Variants in ZDHHC3 observed in about 807,000 individuals in gnomAD.
The protein encoded by ZDHHC3 is palmitoyltransferase ZDHHC3.
ZDHHC3 carries 9 observed loss-of-function variants against 30.6 expected under a neutral mutation model. The ratio of observed to expected loss-of-function variants is 0.29; its 90% CI spans 0.18 to 0.51. The LOEUF (loss-of-function observed/expected upper bound fraction) is 0.51, where lower values mean the gene tolerates loss of function less well. ZDHHC3 is among the 20% of genes least tolerant of loss of function. The pLI is 0.97. For missense variants in ZDHHC3, 246 were observed against 384.2 expected (o/e 0.64, Z 3.01); for synonymous variants, 136 against 140.2 (o/e 0.97, Z 0.21).
chr3:44,934,278 G>T (rs1254856983), intron 3 of ZDHHC3, among the ~76,000 whole-genome samples: 4 of 152,140 alleles, frequency 2.6e-5, no homozygotes, highest in Non-Finnish European at 5.9e-5. Context: ...CTCTCCTGAA[G>T]TAATGGGGCT....
chr3:44,934,985 T>C (rs927773731), intron 3 of ZDHHC3, among the ~76,000 whole-genome samples: 7 of 151,808 alleles, frequency 4.6e-5, no homozygotes, highest in Admixed American at 4.6e-4. Context: ...ATTGGGATAA[T>C]TTTTGGGCTG....
Position 44,921,414 on chromosome 3 carries a change from T to C in ZDHHC3, c.*5275A>G. On this transcript the variant is annotated 3_prime_UTR_variant, in exon 7 of 7. Transcript: ENST00000424952. ...TCATCAGAGATTTCATACCTCTATA[T>C]TGTAACCCACAAGAGGAAACATTTT... The C allele has an allele frequency of 1.0e-6, 1 of 985,444 alleles. No individual in the cohort carries two copies. Among genetic ancestry groups the C allele is most frequent in the Non-Finnish European group, 1.2e-6 (1 of 829,934 alleles). 61.0% of individuals were successfully genotyped at this position (985,444 alleles called of 1,614,324 possible).
Position 44,920,032 on chromosome 3 carries a change from A to C in ZDHHC3, c.*6657T>G. ...TACATGACATTAGAACATTTGTCTG[A>C]GTGGTTACTTTTGGGGATGGAATTC... On this transcript the variant is annotated 3_prime_UTR_variant, in exon 7 of 7. Coordinates refer to ENST00000424952, the MANE Select transcript of ZDHHC3 (RefSeq NM_001135179.2). 8.5e-7 allele frequency: 1 copy of C among 1,176,954 alleles called. No individual in the cohort carries two copies. Among genetic ancestry groups the C allele is most frequent in the Non-Finnish European group, 1.1e-6 (1 of 933,528 alleles). 72.9% of individuals were successfully genotyped at this position (1,176,954 alleles called of 1,614,324 possible).
At chr3:44,927,971 C>G (rs939252127) in intron 6 of ZDHHC3, among the ~76,000 whole-genome samples, 1 of 152,214 alleles carries the variant, frequency 6.6e-6, no homozygotes, top group Admixed American at 6.5e-5. Flanking sequence ...CAACACAATT[C>G]TCTTTAGGAA....
rs564243683 is a variant in ZDHHC3, at chr3:44,925,285, C to T, written c.*1404G>A. 57 of 985,874 alleles carry T rather than the reference C, an allele frequency of 5.8e-5. No homozygotes were observed. The African/African-American group carries it at 7.7e-4, about 13-fold the overall frequency. 61.1% of individuals were successfully genotyped at this position (985,874 alleles called of 1,614,324 possible). Reference sequence around the variant, plus strand: ...AAAATCACATGGCTAGATTAACTTTCGCCCTACCCAGGACAGGATTGAATA... The same window carrying T: ...AAAATCACATGGCTAGATTAACTTTTGCCCTACCCAGGACAGGATTGAATA... On this transcript the variant is annotated 3_prime_UTR_variant, in exon 7 of 7. Coordinates refer to ENST00000424952, the MANE Select transcript of ZDHHC3 (RefSeq NM_001135179.2).
At chr3:44,963,273 C>A (rs140566498) in intron 1 of ZDHHC3, among the ~76,000 whole-genome samples, 1 of 152,274 alleles carries the variant, frequency 6.6e-6, no homozygotes, top group Non-Finnish European at 1.5e-5. Context: ...AACCTGTGAT[C>A]TAGGAAAGGA....
At chr3:44,973,855 C>A (rs1376797460) in intron 1 of ZDHHC3, among the ~76,000 whole-genome samples, 1 of 152,218 alleles carries the variant, frequency 6.6e-6, no homozygotes, top group Admixed American at 6.5e-5. Context: ...TTAGAATACA[C>A]AAACCTACAG....
At position 44,926,254 on chromosome 3, in the gene ZDHHC3, C is replaced by T. The variant is rs887431977; in HGVS notation, c.*435G>A. 4 of 987,388 alleles carry T rather than the reference C, an allele frequency of 4.1e-6. No individual in the cohort carries two copies. Among genetic ancestry groups the T allele is most frequent in the Middle Eastern group, 5.2e-4 (1 of 1,916 alleles). 61.2% of individuals were successfully genotyped at this position (987,388 alleles called of 1,614,324 possible). A position where few individuals can be genotyped will look rare whatever the true frequency, so the allele number is the denominator to read the frequency against. ...TTTTATGTCCCATCGGGGAGCCCGC[C>T]ACTGCCTCCTGGGCAGTGGGAGGTC... is the stretch of plus-strand genomic sequence containing the variant. On this transcript the variant is annotated 3_prime_UTR_variant, in exon 7 of 7. Transcript: ENST00000424952.
At chr3:44,957,472 GA>G (rs1455177105) in intron 2 of ZDHHC3, among the ~76,000 whole-genome samples, 1 of 152,190 alleles carries the variant, frequency 6.6e-6, no homozygotes, top group Non-Finnish European at 1.5e-5. Context: ...AAGATGTGTT[GA>G]AAATCCTTAG....
Position 44,923,536 on chromosome 3 carries a change from T to C in ZDHHC3, c.*3153A>G. The C allele has an allele frequency of 1.0e-6, 1 of 985,380 alleles. No homozygotes were observed. Among genetic ancestry groups the C allele is most frequent in the Non-Finnish European group, 1.2e-6 (1 of 829,886 alleles). The allele number at this position is 985,380 out of a possible 1,614,324, so 61.0% of individuals were successfully genotyped here. A position where few individuals can be genotyped will look rare whatever the true frequency, so the allele number is the denominator to read the frequency against. On this transcript the variant is annotated 3_prime_UTR_variant, in exon 7 of 7. Transcript: ENST00000424952. ...GAAGTACAGGGCTGGGCCCAGTGGC[T>C]CACGCCTGTAATCCCAGGACTTTGG... is the stretch of plus-strand genomic sequence containing the variant.
At chr3:44,945,340 G>A in intron 2 of ZDHHC3, 48 bp from the exon 3 acceptor site, 1 of 1,612,728 alleles carries the variant, frequency 6.2e-7, no homozygotes, top group Non-Finnish European at 8.5e-7. Flanking sequence ...GGTTCTATCA[G>A]CTCTAACATT....
At chr3:44,935,075 C>T (rs566073607) in intron 3 of ZDHHC3, among the ~76,000 whole-genome samples, 2 of 152,212 alleles carry the variant, frequency 1.3e-5, no homozygotes, top group South Asian at 2.1e-4. Context: ...ATGAAACAAG[C>T]GTCCCGGACT....
intron 2 of ZDHHC3, among the ~76,000 whole-genome samples, chr3:44,951,566 A>G (rs902895704): frequency 6.6e-6 from 1 of 152,114 alleles, no homozygotes; most frequent in African/African-American, 2.4e-5. Flanking sequence ...ACGGGTACCC[A>G]CTGTCTTGGA....
chr3:44,923,957 C>T lies in ZDHHC3; in HGVS notation c.*2732G>A, dbSNP rs879588401. 1 of 985,300 alleles carries T rather than the reference C, an allele frequency of 1.0e-6. No individual in the cohort carries two copies. Among genetic ancestry groups the T allele is most frequent in the Non-Finnish European group, 1.2e-6 (1 of 829,940 alleles). 61.0% of individuals were successfully genotyped at this position (985,300 alleles called of 1,614,324 possible). On this transcript the variant is annotated 3_prime_UTR_variant, in exon 7 of 7. Coordinates refer to ENST00000424952, the MANE Select transcript of ZDHHC3 (RefSeq NM_001135179.2). ...ATTATAGATTTGCTTGGATCTAAGC[C>T]TTTTGCATATTCAGTCTAGTTGCTA... is the stretch of plus-strand genomic sequence containing the variant.
intron 2 of ZDHHC3, chr3:44,958,541 G>T: frequency 6.7e-7 from 1 of 1,499,116 alleles, no homozygotes; most frequent in Non-Finnish European, 9.0e-7. Context: ...GGCATATTTA[G>T]CTAAGTCATT....
In ZDHHC3 at chr3:44,922,793, C is replaced by A. The variant is rs1700695030; in HGVS notation, c.*3896G>T. On this transcript the variant is annotated 3_prime_UTR_variant, in exon 7 of 7. Transcript: ENST00000424952. ...CGAGAATGTGCATTTCTAACAAGTT[C>A]TCAGGTGATGCTGATGTTGACGTTG... 1.0e-6 allele frequency: 1 copy of A among 985,266 alleles called. No homozygotes were observed. Among genetic ancestry groups the A allele is most frequent in the South Asian group, 4.7e-5 (1 of 21,268 alleles). 61.0% of individuals were successfully genotyped at this position (985,266 alleles called of 1,614,324 possible).
intron 2 of ZDHHC3, among the ~76,000 whole-genome samples, chr3:44,958,324 T>C (rs1395930595): frequency 6.6e-6 from 1 of 152,164 alleles, no homozygotes. Flanking sequence ...TCCCTGGGGC[T>C]CACAGAAACA....
At chr3:44,955,486 T>C (rs1703873343) in intron 2 of ZDHHC3, among the ~76,000 whole-genome samples, 2 of 148,582 alleles carry the variant, frequency 1.3e-5, no homozygotes, top group Non-Finnish European at 3.0e-5. Context: ...TGTATATATA[T>C]ATATTTTAAA....
intron 3 of ZDHHC3, 42 bp downstream of exon 3, chr3:44,945,126 G>A: frequency 6.2e-7 from 1 of 1,612,650 alleles, no homozygotes; most frequent in Non-Finnish European, 8.5e-7. Flanking sequence ...GAGGGAGGCA[G>A]GACAGTGGGA....
Sources: allele counts gnomAD v4.1 joint callset (sites outside exome capture counted in the v4.1 genomes callset), GRCh38; gene constraint gnomAD v4.1.1; transcripts MANE v1.5; gene names NCBI Gene and HGNC (gene_info 2026-07-23, HGNC 2026-07-21).